The following ELK3 variants were observed in gnomAD, a reference collection of about 807,000 sequenced individuals.
ELK3 encodes ETS domain-containing protein Elk-3.
Under a neutral mutation model 28.9 loss-of-function variants are expected in ELK3, and 10 were observed. The observed-to-expected ratio is 0.35, with a 90% confidence interval of 0.21 to 0.59. ELK3 has a LOEUF of 0.59. Ranked by LOEUF, ELK3 falls within the 20% of genes least tolerant of loss-of-function variation. The probability of loss-of-function intolerance (pLI) is 0.82; values close to 1 mark genes in which losing one functional copy is unlikely to be tolerated. For synonymous variants in ELK3, 272 were observed against 243.5 expected (o/e 1.12, Z -1.09); for missense variants, 463 against 517.3 (o/e 0.90, Z 1.02).
At chr12:96,228,101 A>G (rs538370005) in intron 2 of ELK3, among the ~76,000 whole-genome samples, 1 of 152,200 alleles carries the variant, frequency 6.6e-6, no homozygotes, top group South Asian at 2.1e-4. Flanking sequence ...TCTCTTTTTA[A>G]AAAATTTAGC....
intron 1 of ELK3, among the ~76,000 whole-genome samples, chr12:96,205,798 G>A (rs1263471531): frequency 6.6e-6 from 1 of 152,144 alleles, no homozygotes; most frequent in African/African-American, 2.4e-5. Context: ...GCCCATAGAT[G>A]GACTGACTTC....
chr12:96,218,308 A>G (rs562675507), intron 1 of ELK3, among the ~76,000 whole-genome samples: 111 of 152,334 alleles, frequency 7.3e-4, no homozygotes, highest in African/African-American at 2.3e-3. Context: ...TCTTCCTGTA[A>G]GAGCAGCAAT....
At chr12:96,251,555 G>A (rs940420507) in intron 3 of ELK3, among the ~76,000 whole-genome samples, 4 of 152,142 alleles carry the variant, frequency 2.6e-5, no homozygotes, top group Admixed American at 2.0e-4. Flanking sequence ...TCTTATACCA[G>A]TTAAGTATGT....
chr12:96,245,564 C>CT (rs1951849456), intron 2 of ELK3, among the ~76,000 whole-genome samples: 1 of 152,070 alleles, frequency 6.6e-6, no homozygotes, highest in African/African-American at 2.4e-5. Context: ...TTGAAATGAT[C>CT]TTTTTTTAAT....
chr12:96,269,643 C>T lies in ELK3; in HGVS notation c.*2463C>T, dbSNP rs1952070614. On this transcript the variant is annotated 3_prime_UTR_variant, in exon 5 of 5. Coordinates refer to ENST00000228741, the MANE Select transcript of ELK3 (RefSeq NM_005230.4). ...GGTTTCAAAGAACATTAATGACTTT[C>T]TTTTCCCTTTTATGTCTGCTTAATC... The T allele has an allele frequency of 3.3e-5, 5 of 152,302 alleles. No homozygotes were observed. The South Asian group carries it at 8.3e-4, about 25-fold the overall frequency. 9.4% of individuals were successfully genotyped at this position (152,302 alleles called of 1,614,324 possible). A position where few individuals can be genotyped will look rare whatever the true frequency, so the allele number is the denominator to read the frequency against.
intron 2 of ELK3, among the ~76,000 whole-genome samples, chr12:96,236,330 C>T (rs1951783220): frequency 1.3e-5 from 2 of 152,188 alleles, no homozygotes; most frequent in African/African-American, 4.8e-5. Context: ...CAAGCCAGCA[C>T]TTCTCACTAG....
In ELK3 at chr12:96,247,965, T is replaced by A. The variant is rs1951872055; in HGVS notation, c.1002+231T>A. On this transcript the variant is annotated intron_variant, in intron 3 of 4. Transcript: ENST00000228741. The surrounding 1 kb of genome is among the most constrained non-coding windows in gnomAD (Gnocchi z 5.5). Reference sequence around the variant, plus strand: ...GTGGGATGCTTGATTGGTTTCTTGCTTTTAGCGGCCTAAAGTGACCATAGG... The same window carrying A: ...GTGGGATGCTTGATTGGTTTCTTGCATTTAGCGGCCTAAAGTGACCATAGG... Among the ~76,000 whole-genome samples, 3 of 152,356 alleles carry A rather than the reference T, an allele frequency of 2.0e-5. No homozygotes were observed. The South Asian group carries it at 6.2e-4, about 32-fold the overall frequency.
intron 1 of ELK3, among the ~76,000 whole-genome samples, chr12:96,202,365 C>G (rs558582839): frequency 6.6e-6 from 1 of 152,068 alleles, no homozygotes; most frequent in African/African-American, 2.4e-5. Flanking sequence ...ATTTTCCCCC[C>G]GACCCCTCTA....
chr12:96,215,692 G>A lies in ELK3; in HGVS notation c.-2-7873G>A, dbSNP rs181218341. Among the ~76,000 whole-genome samples the A allele has an allele frequency of 2.4e-3, 359 of 149,066 alleles. 4 individuals are homozygous for A. Among genetic ancestry groups the A allele is most frequent in the Non-Finnish European group, 2.6e-3 (175 of 67,680 alleles). ...GCTCTGTCACCCAGGCTGGAGTGCAGTGGTGCAATCACAGCTCACTGCAGC... is the reference window on the plus strand; with the variant it reads ...GCTCTGTCACCCAGGCTGGAGTGCAATGGTGCAATCACAGCTCACTGCAGC... On this transcript the variant is annotated intron_variant, in intron 1 of 4. Coordinates refer to ENST00000228741, the MANE Select transcript of ELK3 (RefSeq NM_005230.4).
intron 1 of ELK3, among the ~76,000 whole-genome samples, chr12:96,206,944 T>G (rs1037180754): frequency 3.3e-5 from 5 of 152,220 alleles, no homozygotes; most frequent in African/African-American, 1.2e-4. Flanking sequence ...TTTTGCTCAT[T>G]TATTCAGTGC....
intron 2 of ELK3, among the ~76,000 whole-genome samples, chr12:96,229,496 C>G (rs1269726209): frequency 2.0e-5 from 3 of 146,378 alleles, no homozygotes; most frequent in African/African-American, 7.6e-5. Context: ...ACATGACGTT[C>G]TCCCCATTCT....
intron 1 of ELK3, among the ~76,000 whole-genome samples, chr12:96,206,390 C>A (rs1951538637): frequency 6.6e-6 from 1 of 151,892 alleles, no homozygotes. Context: ...GATCTCGGCT[C>A]ACCACAACTT....
intron 1 of ELK3, 106 bp from the exon 2 acceptor site, chr12:96,223,459 G>A (rs187817354): frequency 1.9e-6 from 2 of 1,038,918 alleles, no homozygotes; most frequent in African/African-American, 3.2e-5. Context: ...GTTCACTGGG[G>A]GAAGGAGGGG....
At chr12:96,249,600 G>A (rs1319718571) in intron 3 of ELK3, among the ~76,000 whole-genome samples, 2 of 151,084 alleles carry the variant, frequency 1.3e-5, no homozygotes, top group Non-Finnish European at 2.9e-5. Context: ...GGCCTCCTGT[G>A]TGTTTACAAC....
intron 1 of ELK3, among the ~76,000 whole-genome samples, chr12:96,202,523 CTTTT>C (rs67138285): frequency 9.2e-6 from 1 of 108,624 alleles, no homozygotes; most frequent in Non-Finnish European, 1.7e-5. Context: ...TTACCACAAG[CTTTT>C]TTTTTTTTTT....
intron 1 of ELK3, among the ~76,000 whole-genome samples, chr12:96,215,913 C>T (rs529054906): frequency 6.6e-6 from 1 of 152,130 alleles, no homozygotes; most frequent in African/African-American, 2.4e-5. Context: ...GGATTACAGG[C>T]GTGAGCTATC....
At chr12:96,249,837 T>C (rs1592687896) in intron 3 of ELK3, among the ~76,000 whole-genome samples, 1 of 135,700 alleles carries the variant, frequency 7.4e-6, no homozygotes, top group East Asian at 2.2e-4. Context: ...GCCCAACAAA[T>C]GGATGCAGAG....
At chr12:96,232,814 A>G (rs1951752756) in intron 2 of ELK3, among the ~76,000 whole-genome samples, 1 of 151,828 alleles carries the variant, frequency 6.6e-6, no homozygotes, top group Non-Finnish European at 1.5e-5. Context: ...AAAAATGACA[A>G]AAAATTAGCT....
intron 3 of ELK3, among the ~76,000 whole-genome samples, chr12:96,253,061 G>C (rs1951920162): frequency 6.6e-6 from 1 of 152,202 alleles, no homozygotes; most frequent in African/African-American, 2.4e-5. Context: ...AGGAGTTCAA[G>C]ACCAGCCTGG....
Sources: allele counts gnomAD v4.1 joint callset (sites outside exome capture counted in the v4.1 genomes callset), GRCh38; gene constraint gnomAD v4.1.1; non-coding constraint Gnocchi (gnomAD v3.1); transcripts MANE v1.5; gene names NCBI Gene and HGNC (gene_info 2026-07-23, HGNC 2026-07-21).